The following TAC1 variants were observed in gnomAD, a reference collection of about 807,000 sequenced individuals.
The protein encoded by TAC1 is protachykinin-1.
A neutral mutation model predicts 21.7 loss-of-function variants in TAC1; 12 were observed. The ratio of observed to expected loss-of-function variants is 0.55; its 90% CI spans 0.35 to 0.89. TAC1 has a LOEUF of 0.89. Among genes scored for constraint, TAC1 ranks in the 40% least tolerant of loss-of-function variants. The pLI, the probability that TAC1 is intolerant of heterozygous loss-of-function variation, is 0.01. For synonymous variants in TAC1, 52 were observed against 52.0 expected (o/e 1.00, Z 0.00); for missense variants, 128 against 151.4 (o/e 0.85, Z 0.81).
intron 6 of TAC1, among the ~76,000 whole-genome samples, chr7:97,739,160 T>C (rs1246804423): frequency 6.6e-6 from 1 of 151,934 alleles, no homozygotes; most frequent in African/African-American, 2.4e-5. Context: ...GGTATTTAGA[T>C]GGCTCAACTG....
At chr7:97,738,931 C>G (rs1474698724) in intron 6 of TAC1, among the ~76,000 whole-genome samples, 2 of 151,370 alleles carry the variant, frequency 1.3e-5, no homozygotes, top group Non-Finnish European at 3.0e-5. Flanking sequence ...TCCCAAAATA[C>G]TTTTATTGCA....
chr7:97,734,200 C>T (rs771755976), intron 3 of TAC1, 48 bp from the exon 4 acceptor site: 9 of 1,567,090 alleles, frequency 5.7e-6, no homozygotes, highest in Non-Finnish European at 6.1e-6. Context: ...TTGAATTCAT[C>T]GCACGGTCAG....
intron 5 of TAC1, 94 bp downstream of exon 5, chr7:97,734,943 T>C: frequency 1.0e-6 from 1 of 976,748 alleles, no homozygotes; most frequent in African/African-American, 1.6e-5. Context: ...CTGTCATGAC[T>C]CTAGGGCTTA....
At position 97,740,091 on chromosome 7, in the gene TAC1, G is replaced by A. The variant is rs930553030; in HGVS notation, c.*171G>A. On this transcript the variant is annotated 3_prime_UTR_variant, in exon 7 of 7. Coordinates refer to ENST00000319273, the MANE Select transcript of TAC1 (RefSeq NM_003182.3). ...GTGCCAATATGTATTGTAAACATGT[G>A]TTTTAATTCCAATATGATGACTCCC... The A allele has an allele frequency of 2.2e-6, 1 of 447,032 alleles. No homozygotes were observed. The highest frequency in any genetic ancestry group is 2.0e-5 in the African/African-American group (1 of 49,122). The allele number at this position is 447,032 out of a possible 1,614,324, so 27.7% of individuals were successfully genotyped here. A position where few individuals can be genotyped will look rare whatever the true frequency, so the allele number is the denominator to read the frequency against.
chr7:97,737,509 G>T (rs538273790), intron 6 of TAC1, among the ~76,000 whole-genome samples: 1 of 151,900 alleles, frequency 6.6e-6, no homozygotes, highest in South Asian at 2.1e-4. Context: ...GAAAAAAAAA[G>T]TTAACACAAT....
intron 4 of TAC1, among the ~76,000 whole-genome samples, 176 bp from the exon 5 acceptor site, chr7:97,734,650 T>C (rs959334320): frequency 6.6e-6 from 1 of 152,296 alleles, no homozygotes. Flanking sequence ...TGTTTAAATA[T>C]TTAGTTTTTA....
intron 6 of TAC1, among the ~76,000 whole-genome samples, chr7:97,739,209 G>T (rs947499426): frequency 1.3e-5 from 2 of 151,844 alleles, no homozygotes; most frequent in Non-Finnish European, 2.9e-5. Context: ...AGTCTTGAGG[G>T]CAGTCCATCA....
chr7:97,738,444 T>C (rs1188900274), intron 6 of TAC1, among the ~76,000 whole-genome samples: 1 of 152,026 alleles, frequency 6.6e-6, no homozygotes, highest in Non-Finnish European at 1.5e-5. Context: ...TTAGCTTTCA[T>C]CTAATTTCTC....
At chr7:97,734,111 C>A (rs2115834004) in intron 3 of TAC1, 137 bp from the exon 4 acceptor site, 1 of 852,282 alleles carries the variant, frequency 1.2e-6, no homozygotes, top group Non-Finnish European at 1.9e-6. Context: ...TGCGGATGAT[C>A]CAAGTGCATG....
At chr7:97,734,500 T>C (rs1049033782) in intron 4 of TAC1, among the ~76,000 whole-genome samples, 1 of 150,330 alleles carries the variant, frequency 6.7e-6, no homozygotes, top group African/African-American at 2.5e-5. Context: ...TCTCTCTCTC[T>C]CTTTCTCTCT....
At position 97,732,593 on chromosome 7, in the gene TAC1, C is replaced by T. The variant is rs780584782; in HGVS notation, c.-9-11C>T. Reference sequence around the variant, plus strand: ...CTCTCTTTGGTGTCTTCTCCTCCTACCCCTTCCCAGAAATCCAACATGAAA... The same window carrying T: ...CTCTCTTTGGTGTCTTCTCCTCCTATCCCTTCCCAGAAATCCAACATGAAA... On this transcript the variant is annotated splice_polypyrimidine_tract_variant and intron_variant, in intron 1 of 6. Transcript: ENST00000319273. The surrounding 1 kb of genome is among the most constrained non-coding windows in gnomAD (Gnocchi z 6.2). The T allele has an allele frequency of 6.2e-7, 1 of 1,614,016 alleles. No individual in the cohort carries two copies. Among genetic ancestry groups the T allele is most frequent in the South Asian group, 1.1e-5 (1 of 91,076 alleles).
chr7:97,737,551 C>A (rs1469801340), intron 6 of TAC1, among the ~76,000 whole-genome samples: 1 of 151,810 alleles, frequency 6.6e-6, no homozygotes, highest in Non-Finnish European at 1.5e-5. Flanking sequence ...AGAATATATT[C>A]ATATAATTGA....
intron 4 of TAC1, among the ~76,000 whole-genome samples, chr7:97,734,556 C>CTTA (rs1789539895): frequency 6.6e-6 from 1 of 151,716 alleles, no homozygotes; most frequent in Admixed American, 6.6e-5. Flanking sequence ...GTGTTACAGT[C>CTTA]TTATAGTTAA....
intron 6 of TAC1, 106 bp from the exon 7 acceptor site, chr7:97,739,768 A>T: frequency 1.5e-6 from 1 of 674,646 alleles, no homozygotes; most frequent in Non-Finnish European, 2.4e-6. Context: ...TAGAGGGAAA[A>T]TGTCATTATG....
chr7:97,737,903 T>C (rs1789612773), intron 6 of TAC1, among the ~76,000 whole-genome samples: 1 of 152,048 alleles, frequency 6.6e-6, no homozygotes, highest in Non-Finnish European at 1.5e-5. Context: ...TTGATAATCA[T>C]ATTAGTCATC....
At chr7:97,734,222 GT>G in intron 3 of TAC1, 25 bp from the exon 4 acceptor site, 2 of 1,612,168 alleles carry the variant, frequency 1.2e-6, no homozygotes. Context: ...GGAACATGTA[GT>G]TAATGACAAT....
At chr7:97,736,496 AC>A in intron 6 of TAC1, 144 bp downstream of exon 6, 1 of 729,940 alleles carries the variant, frequency 1.4e-6, no homozygotes, top group Non-Finnish European at 2.3e-6. Flanking sequence ...TGTACTTGTA[AC>A]CACAAATGGA....
At chr7:97,733,930 G>C in intron 3 of TAC1, 111 bp downstream of exon 3, 1 of 1,106,524 alleles carries the variant, frequency 9.0e-7, no homozygotes, top group Non-Finnish European at 1.3e-6. Flanking sequence ...CACTCCAAGA[G>C]GGGTGTAATT....
intron 2 of TAC1, among the ~76,000 whole-genome samples, chr7:97,733,464 A>T (rs1174983528): frequency 1.3e-5 from 2 of 151,870 alleles, no homozygotes; most frequent in Admixed American, 1.3e-4. Context: ...GGGAGGAAAG[A>T]GCGGAAAGCG....
Sources: gnomAD v4.1 joint callset for allele counts (sites outside exome capture counted in the v4.1 genomes callset) on GRCh38, gnomAD v4.1.1 for gene constraint, Gnocchi (gnomAD v3.1) non-coding constraint, MANE v1.5 for transcripts, NCBI Gene and HGNC (gene_info 2026-07-23, HGNC 2026-07-21) for gene names.